The following LDB3 variants were observed in gnomAD, a reference collection of about 807,000 sequenced individuals.
LDB3 encodes LIM domain binding 3.
LDB3 carries 49 observed loss-of-function variants against 69.0 expected under a neutral mutation model. The ratio of observed to expected loss-of-function variants is 0.71; its 90% confidence interval spans 0.56 to 0.90. The LOEUF is 0.90. Among genes scored for constraint, LDB3 ranks in the 40% least tolerant of loss-of-function variants. The pLI is 0.00. For synonymous variants in LDB3, 387 were observed against 396.2 expected, an observed-to-expected ratio of 0.98 and a Z score of 0.28; for missense variants, 928 against 974.1, an observed-to-expected ratio of 0.95 and a Z score of 0.63.
At chr10:86,667,986 T>C (rs1844245121), upstream of LDB3, among the ~76,000 whole-genome samples, 1 of 152,202 alleles carries the variant, frequency 6.6e-6, no homozygotes, top group East Asian at 1.9e-4. Context: ...AGGTGGCAGC[T>C]TCTCAGGATC....
chr10:86,685,752 G>T lies in LDB3; in HGVS notation c.689+3949G>T, dbSNP rs373053787. ...TGCGCTTGCGTGCCAGCCCCAGCAT[G>T]TGTCTGCGTGTGTCTGGCGTGGATA... On this transcript the variant is annotated intron_variant, in intron 5 of 13. Transcript: ENST00000361373. The T allele has an allele frequency of 4.4e-6, 7 of 1,595,676 alleles. No homozygotes were observed. In the Admixed American group the frequency reaches 1.0e-4, roughly 23 times the overall value.
At position 86,732,802 on chromosome 10, in the gene LDB3, C is replaced by A. The variant is rs776742673; in HGVS notation, c.2095-85C>A. ...TACAGGACTGAGCCACCACGCCTGG[C>A]CAGGGCGTTTTCTTAAAAAAGTGAT... On this transcript the variant is annotated intron_variant, in intron 13 of 13. Transcript: ENST00000361373. The A allele has an allele frequency of 4.6e-6, 5 of 1,080,202 alleles. No homozygotes were observed. In the African/African-American group the frequency reaches 4.7e-5, roughly 10 times the overall value. 66.9% of individuals were successfully genotyped at this position (1,080,202 alleles called of 1,614,324 possible).
intron 5 of LDB3, among the ~76,000 whole-genome samples, chr10:86,683,829 A>G (rs148532461): frequency 1.4e-3 from 219 of 152,324 alleles, no homozygotes; most frequent in African/African-American, 5.1e-3. Context: ...GTGCTTATCC[A>G]TGGCACACTT....
rs1291914478 is a variant in LDB3 at position 86,718,066 on chromosome 10, G to C, written c.1779G>C (p.Gln593His). ...CAGATGTGTGCTTTGTGGAAGAGCA[G>C]AACAACGTTTACTGTGAGCGATGTT... ...SLADVCFVEE[Q>H]NNVYCERCYE... Residue 593 changes from glutamine (Q) to histidine (H), a missense_variant, in exon 11 of 14, where the codon CAG becomes CAC. Physicochemically the swap from Gln to His is conservative, Grantham distance 24 (BLOSUM62 0). Coordinates refer to ENST00000361373, the MANE Select transcript of LDB3 (RefSeq NM_007078.3). The C allele has an allele frequency of 6.2e-7, 1 of 1,614,178 alleles. No individual in the cohort carries two copies. The highest frequency in any genetic ancestry group is 2.2e-5 in the East Asian group (1 of 44,886).
chr10:86,675,105 A>C (rs1228234067), intron 2 of LDB3, among the ~76,000 whole-genome samples: 1 of 152,208 alleles, frequency 6.6e-6, no homozygotes, highest in Non-Finnish European at 1.5e-5. Flanking sequence ...CAGGGGATCC[A>C]GCTCAGCCAC....
intron 7 of LDB3, among the ~76,000 whole-genome samples, chr10:86,702,871 G>A (rs777727901): frequency 5.3e-5 from 8 of 152,184 alleles, no homozygotes; most frequent in Non-Finnish European, 1.0e-4. Flanking sequence ...GTGTGCTAGA[G>A]AGGATGCTAC....
At chr10:86,668,341 C>T (rs187406959), upstream of LDB3, 60 of 382,316 alleles carry the variant, frequency 1.6e-4, no homozygotes, top group African/African-American at 7.4e-4. Flanking sequence ...CTTCCTCCCC[C>T]CTGGGGGGTG....
At chr10:86,719,124 T>A (rs905897477) in intron 12 of LDB3, among the ~76,000 whole-genome samples, 2 of 152,056 alleles carry the variant, frequency 1.3e-5, no homozygotes, top group African/African-American at 4.8e-5. Context: ...TCTGGTTAGG[T>A]GAGGTGGCTC....
At chr10:86,691,659 C>T (rs971959648) in intron 5 of LDB3, among the ~76,000 whole-genome samples, 2 of 147,910 alleles carry the variant, frequency 1.4e-5, no homozygotes, top group South Asian at 2.1e-4. Flanking sequence ...AAGGGCAGAC[C>T]TGAGGGATCT....
intron 5 of LDB3, among the ~76,000 whole-genome samples, chr10:86,685,247 C>G (rs1037067848): frequency 1.3e-5 from 2 of 152,324 alleles, no homozygotes; most frequent in South Asian, 4.1e-4. Context: ...ACTCTTAGTC[C>G]GGAGCTGCTG....
upstream of LDB3, among the ~76,000 whole-genome samples, chr10:86,667,586 C>T (rs952355406): frequency 2.6e-5 from 4 of 152,230 alleles, no homozygotes; most frequent in African/African-American, 4.8e-5. Context: ...GAGCAAATGG[C>T]GTCTCCTCCC....
At chr10:86,670,238 C>T (rs1288617517) in intron 2 of LDB3, among the ~76,000 whole-genome samples, 1 of 152,174 alleles carries the variant, frequency 6.6e-6, no homozygotes, top group East Asian at 1.9e-4. Flanking sequence ...TCCAGATCTA[C>T]TGCCCTGGAG....
intron 2 of LDB3, among the ~76,000 whole-genome samples, chr10:86,674,654 C>A (rs1207537881): frequency 6.6e-6 from 1 of 152,114 alleles, no homozygotes; most frequent in Admixed American, 6.5e-5. Flanking sequence ...GAATGAAACA[C>A]TCATTCAAGG....
intron 8 of LDB3, among the ~76,000 whole-genome samples, chr10:86,708,176 C>T (rs1846514639): frequency 2.6e-5 from 4 of 152,244 alleles, no homozygotes. Flanking sequence ...GGGGAGTCCT[C>T]CCTTCCTTCC....
rs933812562 is a variant in LDB3 at position 86,736,031 on chromosome 10, T to C, written c.*3055T>C. 2.6e-5 allele frequency: 4 copies of C among 152,042 alleles called. No homozygotes were observed. Among genetic ancestry groups the C allele is most frequent in the Non-Finnish European group, 4.4e-5 (3 of 68,010 alleles). The allele number at this position is 152,042 out of a possible 1,614,324, so 9.4% of individuals were successfully genotyped here. A position where few individuals can be genotyped will look rare whatever the true frequency, so the allele number is the denominator to read the frequency against. ...TTTTTTTTGCCTGTGTGAATTCTAC[T>C]TTTTAGCAAAAATAAAGCCCCCCAA... On this transcript the variant is annotated 3_prime_UTR_variant, in exon 14 of 14. Coordinates refer to ENST00000361373, the MANE Select transcript of LDB3 (RefSeq NM_007078.3).
chr10:86,730,220 T>G (rs1453338755), intron 13 of LDB3, among the ~76,000 whole-genome samples: 1 of 152,158 alleles, frequency 6.6e-6, no homozygotes, highest in East Asian at 1.9e-4. Flanking sequence ...ACTGAATACA[T>G]GCATATTGCC....
intron 11 of LDB3, 25 bp downstream of exon 11, chr10:86,718,169 C>G: frequency 6.2e-7 from 1 of 1,607,716 alleles, no homozygotes; most frequent in Non-Finnish European, 8.5e-7. Flanking sequence ...TCCATTTCCT[C>G]TGACCCATGT....
Position 86,691,954 on chromosome 10 carries a change from AT to A in LDB3, c.750del (p.Lys251ArgfsTer31). On this transcript the variant is annotated frameshift_variant, in exon 6 of 14. Transcript: ENST00000361373. LOFTEE classifies it high-confidence loss of function. ...CGCCTCTCCCGTCTACCAGGCTGTGATTAAGAGCCAGAACAAGCCAGAAGAT... is the reference window on the plus strand; with the variant it reads ...CGCCTCTCCCGTCTACCAGGCTGTGATAAGAGCCAGAACAAGCCAGAAGAT... Reference protein sequence around the residue: ...DSASPVYQAVIKSQNKPEDEA... With the variant: ...DSASPVYQAVXKSQNKPEDEA... 6.2e-7 allele frequency: 1 copy of A among 1,614,140 alleles called. No homozygotes were observed. The highest frequency in any genetic ancestry group is 1.1e-5 in the South Asian group (1 of 91,084).
At position 86,706,030 on chromosome 10, in the gene LDB3, G is replaced by C. The variant is rs182155416; in HGVS notation, c.897-501G>C. On this transcript the variant is annotated intron_variant, in intron 7 of 13. Transcript: ENST00000361373. ...TCTTGTTGGTGCCCTGAGTCCTTCC[G>C]AGCCCAAAGCCTAGGTTCTCACAAC... 5.2e-3 allele frequency among the ~76,000 whole-genome samples: 784 copies of C among 152,194 alleles called. 2 individuals carry two copies. Among genetic ancestry groups the C allele is most frequent in the Non-Finnish European group, 7.1e-3 (485 of 67,996 alleles).
Sources: allele counts gnomAD v4.1 joint callset (sites outside exome capture counted in the v4.1 genomes callset), GRCh38; gene constraint gnomAD v4.1.1; transcripts MANE v1.5; gene names NCBI Gene and HGNC (gene_info 2026-07-23, HGNC 2026-07-21).